Variants in SFPQ observed in about 807,000 individuals in gnomAD.
The protein encoded by SFPQ is splicing factor, proline- and glutamine-rich.
In SFPQ, 11 loss-of-function variants were observed where a neutral mutation model predicts 72.9. The observed-to-expected ratio is 0.15, with a 90% confidence interval of 0.09 to 0.25. The LOEUF is 0.25. SFPQ is among the 10% of genes least tolerant of loss of function. The probability of loss-of-function intolerance (pLI) is 1.00; values close to 1 mark genes in which losing one functional copy is unlikely to be tolerated. For missense variants in SFPQ, 847 were observed against 993.3 expected, an observed-to-expected ratio of 0.85 and a Z score of 1.98; for synonymous variants, 506 against 367.3, an observed-to-expected ratio of 1.38 and a Z score of -4.32.
chr1:35,191,199 G>T, intron 2 of SFPQ, 142 bp downstream of exon 2: 1 of 836,128 alleles, frequency 1.2e-6, no homozygotes, highest in South Asian at 1.7e-5. Flanking sequence ...TATACCGCAA[G>T]CATTTTTCCT....
downstream of SFPQ, chr1:35,180,647 C>G: frequency 2.4e-5 from 25 of 1,053,174 alleles, no homozygotes; most frequent in Non-Finnish European, 2.9e-5. Context: ...TACAAAAAAA[C>G]CTGTACTTTT....
downstream of SFPQ, chr1:35,181,338 G>C (rs564161384): frequency 9.4e-7 from 1 of 1,065,468 alleles, no homozygotes; most frequent in South Asian, 4.5e-5. Context: ...CCACAACTTA[G>C]TGGCTTGCCC....
At chr1:35,187,306 C>T in intron 7 of SFPQ, 55 bp from the exon 8 acceptor site, 1 of 1,480,316 alleles carries the variant, frequency 6.8e-7, no homozygotes, top group Non-Finnish European at 9.4e-7. Flanking sequence ...AGCAAGCATT[C>T]TTAAGAACTG....
chr1:35,187,134 A>C lies in SFPQ; in HGVS notation c.1865-12T>G. 2 of 1,613,990 alleles carry C rather than the reference A, an allele frequency of 1.2e-6. No homozygotes were observed. The highest frequency in any genetic ancestry group is 8.5e-7 in the Non-Finnish European group (1 of 1,179,930). On this transcript the variant is annotated splice_polypyrimidine_tract_variant and intron_variant, in intron 8 of 9. Transcript: ENST00000357214. ...TGAACCATAGGGATCTAGAAAACAA[A>C]AATAGTGGTTACAACTCCACCAGGA...
intron 3 of SFPQ, 42 bp downstream of exon 3, chr1:35,190,652 T>C: frequency 6.2e-7 from 1 of 1,609,064 alleles, no homozygotes; most frequent in East Asian, 2.2e-5. Context: ...ACCATTCTCA[T>C]ATAAGTTGAT....
rs567413273 is a variant in SFPQ, at chr1:35,192,484, G to A, written c.566C>T (p.Ala189Val). Residue 189 changes from alanine (A) to valine (V), a missense_variant, in exon 1 of 10, where the codon GCG becomes GTG. Ala to Val is a moderately conservative substitution (Grantham distance 64). Around this residue, in one of 6 missense-constraint regions of SFPQ, gnomAD observed 498 missense variants for 405.1 expected, o/e 1.23. Transcript: ENST00000357214. Reference sequence around the variant, plus strand: ...CCCTGGACCCGGGCCCGGGACTGCCGCGGGCGGAGGCGGCGGGCCTCCGGC... The same window carrying A: ...CCCTGGACCCGGGCCCGGGACTGCCACGGGCGGAGGCGGCGGGCCTCCGGC... ...PQAGGPPPPP[A>V]AVPGPGPGPK... 8.6e-4 allele frequency: 1,138 copies of A among 1,328,992 alleles called. 3 individuals are homozygous for A. Among genetic ancestry groups the A allele is most frequent in the South Asian group, 5.1e-3 (251 of 48,864 alleles). 82.3% of individuals were successfully genotyped at this position (1,328,992 alleles called of 1,614,324 possible).
intron 4 of SFPQ, 79 bp downstream of exon 4, chr1:35,190,419 C>G: frequency 9.7e-7 from 1 of 1,033,298 alleles, no homozygotes; most frequent in Non-Finnish European, 1.4e-6. Context: ...ATATTTTAAG[C>G]AAAATTGGAA....
chr1:35,181,613 A>C (rs1156423161), downstream of SFPQ: 2 of 1,060,088 alleles, frequency 1.9e-6, no homozygotes, highest in Non-Finnish European at 2.3e-6. Flanking sequence ...CAGTTTTTAA[A>C]GATTAGGAGA....
downstream of SFPQ, chr1:35,180,115 CAGA>C (rs1304866509): frequency 5.7e-6 from 6 of 1,049,006 alleles, no homozygotes; most frequent in Admixed American, 5.5e-5. Flanking sequence ...TCTTGATACA[CAGA>C]AGAAAAGTCT....
At position 35,193,144 on chromosome 1, in the gene SFPQ, G is replaced by T. The variant is rs1640129113; in HGVS notation, c.-95C>A. Reference sequence around the variant, plus strand: ...TCTCACAAAATGGCGGATGACACAGGCGGCGCGCCGCCTTTGTCCTCGTCT... The same window carrying T: ...TCTCACAAAATGGCGGATGACACAGTCGGCGCGCCGCCTTTGTCCTCGTCT... On this transcript the variant is annotated 5_prime_UTR_variant, in exon 1 of 10. Transcript: ENST00000357214. The T allele has an allele frequency of 1.4e-6, 2 of 1,468,194 alleles. No homozygotes were observed. Among genetic ancestry groups the T allele is most frequent in the Non-Finnish European group, 1.8e-6 (2 of 1,117,726 alleles). The allele number at this position is 1,468,194 out of a possible 1,614,324, so 90.9% of individuals were successfully genotyped here. A position where few individuals can be genotyped will look rare whatever the true frequency, so the allele number is the denominator to read the frequency against.
chr1:35,187,957 G>C lies in SFPQ; in HGVS notation c.1815+16C>G. The C allele has an allele frequency of 6.4e-7, 1 of 1,561,158 alleles. No homozygotes were observed. The highest frequency in any genetic ancestry group is 8.8e-7 in the Non-Finnish European group (1 of 1,131,728). On this transcript the variant is annotated intron_variant, in intron 7 of 9. Coordinates refer to ENST00000357214, the MANE Select transcript of SFPQ (RefSeq NM_005066.3). ...TATAGACAACTCCAATTGGAAGGCA[G>C]TAAAGGCTGACTTACTGGATCCATG... is the stretch of plus-strand genomic sequence containing the variant.
At position 35,184,425 on chromosome 1, in the gene SFPQ, A is replaced by G. The variant is rs769495425; in HGVS notation, c.*31T>C. The stretch of plus-strand genomic sequence containing the variant: ...ATTGGTATCTAAACAAAAAAACAAA[A>G]CAAACTGGAATGAAAGCCTAAATAT... On this transcript the variant is annotated 3_prime_UTR_variant, in exon 10 of 10. Coordinates refer to ENST00000357214, the MANE Select transcript of SFPQ (RefSeq NM_005066.3). 4.4e-6 allele frequency: 7 copies of G among 1,592,698 alleles called. No homozygotes were observed. The highest frequency in any genetic ancestry group is 6.0e-6 in the Non-Finnish European group (7 of 1,172,972).
intron 4 of SFPQ, among the ~76,000 whole-genome samples, chr1:35,189,723 T>TG (rs1442883725): frequency 1.3e-5 from 2 of 151,906 alleles, no homozygotes; most frequent in Non-Finnish European, 2.9e-5. Flanking sequence ...CCAAGGCAGG[T>TG]GGATCACCTG....
rs765938341 is a variant in SFPQ at position 35,187,992 on chromosome 1, C to T, written c.1796G>A (p.Arg599Gln). ...ACTTACTGGATCCATGTAGCCCATT[C>T]GGCTGTAACTTTCCTCTCTTTGGCG... ...MRRQREESYS[R>Q]MGYMDPRERD... The change falls in exon 7 of 10, where the codon CGA becomes CAA. Residue 599 changes from arginine (R) to glutamine (Q), a missense_variant. Coordinates refer to ENST00000357214, the MANE Select transcript of SFPQ (RefSeq NM_005066.3). 1.9e-6 allele frequency: 3 copies of T among 1,613,204 alleles called. No individual in the cohort carries two copies. The highest frequency in any genetic ancestry group is 2.5e-6 in the Non-Finnish European group (3 of 1,179,134).
chr1:35,179,147 A>T, downstream of SFPQ: 2 of 1,060,020 alleles, frequency 1.9e-6, no homozygotes, highest in Non-Finnish European at 2.3e-6. Flanking sequence ...CCAGACCAAC[A>T]TCCTGGCTCT....
chr1:35,190,504 T>C lies in SFPQ; in HGVS notation c.1409A>G (p.Tyr470Cys), dbSNP rs1161228493. Residue 470 changes from tyrosine (Y) to cysteine (C), a missense_variant, in exon 4 of 10, where the codon TAT becomes TGT. Physicochemically the swap from Tyr to Cys is radical, Grantham distance 194. Transcript: ENST00000357214. ...PEKLAQKNPM[Y>C]QKERETPPRF... is the part of the protein sequence containing the mutation. ...AAAGTTTAATCAATCTTACTTTTGATACATTGGATTCTTCTGGGCAAGTTT... is the reference window on the plus strand; with the variant it reads ...AAAGTTTAATCAATCTTACTTTTGACACATTGGATTCTTCTGGGCAAGTTT... The C allele has an allele frequency of 1.2e-6, 2 of 1,603,742 alleles. No individual in the cohort carries two copies. The highest frequency in any genetic ancestry group is 1.7e-5 in the Admixed American group (1 of 59,596).
downstream of SFPQ, chr1:35,180,174 T>G (rs1639408026): frequency 3.8e-6 from 4 of 1,050,544 alleles, no homozygotes; most frequent in Non-Finnish European, 4.6e-6. Flanking sequence ...GTAAACCACT[T>G]TCCAGTTACA....
At chr1:35,190,436 T>C in intron 4 of SFPQ, 62 bp downstream of exon 4, 1 of 1,199,954 alleles carries the variant, frequency 8.3e-7, no homozygotes, top group Non-Finnish European at 1.2e-6. Flanking sequence ...GGAAAATCAC[T>C]AAAATAAATT....
chr1:35,192,325 C>A lies in SFPQ; in HGVS notation c.725G>T (p.Arg242Leu). ...KPPHRGGGEP[R>L]GGRQHHPPYH... ...GGGCGGGTGGTGCTGGCGGCCCCCG[C>A]GGGGCTCCCCGCCGCCTCGATGCGG... The change falls in exon 1 of 10, where the codon CGC becomes CTC. Residue 242 changes from arginine to leucine, a missense_variant. Physicochemically the swap from Arg to Leu is moderately radical, Grantham distance 102. This residue lies in a region of SFPQ where 498 missense variants were observed against 405.1 expected (regional missense o/e 1.23). Transcript: ENST00000357214. 7.1e-7 allele frequency: 1 copy of A among 1,416,292 alleles called. No individual in the cohort carries two copies. The highest frequency in any genetic ancestry group is 1.5e-5 in the South Asian group (1 of 67,920). The allele number at this position is 1,416,292 out of a possible 1,614,324, so 87.7% of individuals were successfully genotyped here. A position where few individuals can be genotyped will look rare whatever the true frequency, so the allele number is the denominator to read the frequency against.
Sources: gnomAD v4.1 joint callset for allele counts (sites outside exome capture counted in the v4.1 genomes callset) on GRCh38, gnomAD v4.1.1 for gene constraint, gnomAD v4.1.1 regional missense constraint, MANE v1.5 for transcripts, NCBI Gene and HGNC (gene_info 2026-07-23, HGNC 2026-07-21) for gene names.